CISD1: variants seen among roughly 807,000 people sequenced by gnomAD.
CISD1 encodes the protein CDGSH iron-sulfur domain-containing protein 1.
CISD1 carries 8 observed loss-of-function variants against 12.0 expected under a neutral mutation model. The observed-to-expected ratio is 0.67, with a 90% CI of 0.39 to 1.20. The LOEUF is 1.20. Among genes scored for constraint, CISD1 ranks in the 50% most tolerant of loss-of-function variants. The probability of loss-of-function intolerance (pLI) is 0.01; values close to 1 mark genes in which losing one functional copy is unlikely to be tolerated. For missense variants in CISD1, 107 were observed against 132.7 expected, an observed-to-expected ratio of 0.81 and a Z score of 0.95; for synonymous variants, 38 against 42.2, an observed-to-expected ratio of 0.90 and a Z score of 0.39.
intron 1 of CISD1, among the ~76,000 whole-genome samples, chr10:58,272,246 T>C (rs1425028841): frequency 4.7e-5 from 7 of 149,138 alleles, no homozygotes; most frequent in Non-Finnish European, 1.0e-4. Flanking sequence ...AAAAGCCAAC[T>C]ATACCAGGTA....
intron 1 of CISD1, among the ~76,000 whole-genome samples, 192 bp from the exon 2 acceptor site, chr10:58,276,925 G>A (rs1004977162): frequency 6.6e-6 from 1 of 151,798 alleles, no homozygotes; most frequent in Non-Finnish European, 1.5e-5. Context: ...ATACACAATT[G>A]CTTCAATAAG....
intron 2 of CISD1, among the ~76,000 whole-genome samples, chr10:58,280,421 G>C (rs1009102790): frequency 6.6e-6 from 1 of 152,174 alleles, no homozygotes; most frequent in African/African-American, 2.4e-5. Context: ...GCTCATTGAA[G>C]GATCTAAGCA....
intron 1 of CISD1, among the ~76,000 whole-genome samples, chr10:58,270,516 A>G (rs369807883): frequency 2.0e-5 from 3 of 152,286 alleles, no homozygotes; most frequent in South Asian, 2.1e-4. Flanking sequence ...TGCCGCTGAT[A>G]TTTTTAATTT....
At chr10:58,272,954 T>C (rs954286184) in intron 1 of CISD1, among the ~76,000 whole-genome samples, 2 of 152,108 alleles carry the variant, frequency 1.3e-5, no homozygotes, top group African/African-American at 4.8e-5. Flanking sequence ...TTTGGAGCTA[T>C]AGACTGGCCA....
At chr10:58,274,435 A>T (rs1248096446) in intron 1 of CISD1, among the ~76,000 whole-genome samples, 8 of 147,998 alleles carry the variant, frequency 5.4e-5, no homozygotes, top group African/African-American at 2.5e-5. Context: ...GTGATAAAAT[A>T]ACAACTTTTT....
At chr10:58,276,780 G>A (rs1839319921) in intron 1 of CISD1, among the ~76,000 whole-genome samples, 1 of 149,734 alleles carries the variant, frequency 6.7e-6, no homozygotes, top group Admixed American at 6.7e-5. Flanking sequence ...TTACCTGCAA[G>A]TTCACATGTT....
chr10:58,276,996 A>AT (rs1280729506), intron 1 of CISD1, 121 bp from the exon 2 acceptor site: 1 of 648,660 alleles, frequency 1.5e-6, no homozygotes, highest in East Asian at 2.7e-5. Flanking sequence ...TTTTGTTAAC[A>AT]TTAAAAACCT....
At chr10:58,271,091 G>C (rs1839242778) in intron 1 of CISD1, among the ~76,000 whole-genome samples, 1 of 143,664 alleles carries the variant, frequency 7.0e-6, no homozygotes. Flanking sequence ...CCAGGCTGGA[G>C]TGCAGTGGCG....
chr10:58,287,730 G>T lies in CISD1; in HGVS notation c.*80G>T. 1 of 821,074 alleles carries T rather than the reference G, an allele frequency of 1.2e-6. No individual in the cohort carries two copies. The highest frequency in any genetic ancestry group is 2.8e-4 in the Middle Eastern group (1 of 3,578). The allele number at this position is 821,074 out of a possible 1,614,324, so 50.9% of individuals were successfully genotyped here. On this transcript the variant is annotated 3_prime_UTR_variant, in exon 3 of 3. Transcript: ENST00000333926. ...ATTAGAATGACTACCACCTCTGTCT[G>T]ATTCACCTTCGCTGGATTCTAAATG...
intron 2 of CISD1, among the ~76,000 whole-genome samples, chr10:58,279,732 T>C (rs1345863163): frequency 6.6e-6 from 1 of 152,230 alleles, no homozygotes; most frequent in African/African-American, 2.4e-5. Context: ...CTATCTACTA[T>C]ATATGCATGC....
At chr10:58,284,251 C>T (rs1389362634) in intron 2 of CISD1, among the ~76,000 whole-genome samples, 2 of 151,666 alleles carry the variant, frequency 1.3e-5, no homozygotes, top group Non-Finnish European at 2.9e-5. Flanking sequence ...TGGAAGGATC[C>T]CTTGAGCCTG....
chr10:58,269,626 G>T (rs1343521909), intron 1 of CISD1, among the ~76,000 whole-genome samples: 6 of 152,192 alleles, frequency 3.9e-5, no homozygotes, highest in Non-Finnish European at 7.3e-5. Flanking sequence ...AAGTCACATA[G>T]CCTGGAAAAG....
chr10:58,283,611 A>G (rs1588982681), intron 2 of CISD1, among the ~76,000 whole-genome samples: 1 of 152,226 alleles, frequency 6.6e-6, no homozygotes, highest in East Asian at 1.9e-4. Context: ...AGGAGCATTT[A>G]TTAAAACAGA....
intron 1 of CISD1, among the ~76,000 whole-genome samples, chr10:58,270,509 C>T (rs983893783): frequency 2.6e-5 from 4 of 151,830 alleles, no homozygotes. Context: ...TGACTTGTGC[C>T]GCTGATATTT....
At position 58,277,335 on chromosome 10, in the gene CISD1, A is replaced by G. The variant is rs773592447; in HGVS notation, c.237+13A>G. ...GAGGTCCAAAAAGGTGAGGAAAGCA[A>G]TTCCTTCATACAGTACCATTTTTAA... On this transcript the variant is annotated intron_variant, in intron 2 of 2. Coordinates refer to ENST00000333926, the MANE Select transcript of CISD1 (RefSeq NM_018464.5). 2.0e-6 allele frequency: 3 copies of G among 1,531,806 alleles called. No individual in the cohort carries two copies. The highest frequency in any genetic ancestry group is 2.0e-5 in the Admixed American group (1 of 50,940). The allele number at this position is 1,531,806 out of a possible 1,614,324, so 94.9% of individuals were successfully genotyped here. A position where few individuals can be genotyped will look rare whatever the true frequency, so the allele number is the denominator to read the frequency against.
chr10:58,271,593 G>A (rs1176466016), intron 1 of CISD1, among the ~76,000 whole-genome samples: 1 of 152,102 alleles, frequency 6.6e-6, no homozygotes, highest in Non-Finnish European at 1.5e-5. Context: ...TTTAATTGGG[G>A]GAAAGATATC....
chr10:58,269,192 G>A lies in CISD1; in HGVS notation c.-82G>A. On this transcript the variant is annotated 5_prime_UTR_variant, in exon 1 of 3. Transcript: ENST00000333926. ...CGCGGAGTCGGTGCTTTAGTACGCC[G>A]CTGGCACCTTTACTCTCGCCGGCCG... 1 of 1,456,796 alleles carries A rather than the reference G, an allele frequency of 6.9e-7. No individual in the cohort carries two copies. The highest frequency in any genetic ancestry group is 9.5e-7 in the Non-Finnish European group (1 of 1,050,898). 90.2% of individuals were successfully genotyped at this position (1,456,796 alleles called of 1,614,324 possible).
At chr10:58,276,940 AG>A (rs1839321272) in intron 1 of CISD1, among the ~76,000 whole-genome samples, 176 bp from the exon 2 acceptor site, 1 of 152,202 alleles carries the variant, frequency 6.6e-6, no homozygotes, top group Non-Finnish European at 1.5e-5. Flanking sequence ...AATAAGGGCC[AG>A]GGAAAGTCAT....
intron 2 of CISD1, among the ~76,000 whole-genome samples, chr10:58,280,205 A>G (rs949915176): frequency 6.6e-6 from 1 of 152,194 alleles, no homozygotes; most frequent in Non-Finnish European, 1.5e-5. Flanking sequence ...TAAACTGAGG[A>G]CAATCTTGAG....
Sources: allele counts gnomAD v4.1 joint callset (sites outside exome capture counted in the v4.1 genomes callset), GRCh38; gene constraint gnomAD v4.1.1; transcripts MANE v1.5; gene names NCBI Gene and HGNC (gene_info 2026-07-23, HGNC 2026-07-21).